Variants in PCDH15 observed in about 807,000 individuals in gnomAD.
PCDH15 encodes the protein protocadherin related 15.
PCDH15 carries 129 observed loss-of-function variants against 178.5 expected under a neutral mutation model. That is an observed-to-expected ratio of 0.72 (90% CI 0.63 to 0.84). The LOEUF (loss-of-function observed/expected upper bound fraction) is 0.84. Among genes scored for constraint, PCDH15 ranks in the 40% least tolerant of loss-of-function variants. PCDH15 has a pLI of 0.00. For missense variants in PCDH15, 2,230 were observed against 2,099.9 expected, an observed-to-expected ratio of 1.06 and a Z score of -1.21; for synonymous variants, 800 against 732.0, an observed-to-expected ratio of 1.09 and a Z score of -1.50.
intron 26 of PCDH15, among the ~76,000 whole-genome samples, chr10:53,891,049 T>C (rs1447020231): frequency 6.6e-6 from 1 of 151,382 alleles, no homozygotes; most frequent in Non-Finnish European, 1.5e-5. Context: ...GATACATTTA[T>C]AGAAGTATGA....
In PCDH15 at chr10:55,463,987, GAAAGAGAAAGAAAGAA is replaced by G. The variant is rs1565165816; in HGVS notation, c.-156+163622_-156+163637del. 2.0e-3 allele frequency among the ~76,000 whole-genome samples: 51 copies of G among 25,244 alleles called. 14 individuals are homozygous for G. The highest frequency in any genetic ancestry group is 2.7e-3 in the South Asian group (2 of 750). 16.6% of individuals were successfully genotyped at this position (25,244 alleles called of 152,430 possible). On this transcript the variant is annotated intron_variant, in intron 2 of 5. Coordinates refer to the PCDH15 transcript ENST00000613346. ...AAAGAAAGAAAGAGAAAGAAAGAAA[GAAAGAGAAAGAAAGAA>G]AGAAAGAAAGAAAGAAAGAAAGAAA...
chr10:54,002,018 G>A (rs930171653), intron 20 of PCDH15, among the ~76,000 whole-genome samples: 1 of 147,810 alleles, frequency 6.8e-6, no homozygotes, highest in African/African-American at 2.5e-5. Context: ...AATTTATCAG[G>A]AAGATATAAC....
rs538937190 is a variant in PCDH15, at chr10:54,888,440, T to A, written c.-29+9010A>T. Among the ~76,000 whole-genome samples, 4 of 152,208 alleles carry A rather than the reference T, an allele frequency of 2.6e-5. No homozygotes were observed. In the South Asian group the frequency reaches 8.3e-4, roughly 32 times the overall value. On this transcript the variant is annotated intron_variant, in intron 3 of 5. Coordinates refer to the PCDH15 transcript ENST00000458638. ...CAATTTATATATGTATATACACATC[T>A]AGTTCTTGGTGGACATTTTGGTTTT...
At chr10:55,100,763 C>T (rs1842558272) in intron 2 of PCDH15, among the ~76,000 whole-genome samples, 1 of 152,100 alleles carries the variant, frequency 6.6e-6, no homozygotes, top group African/African-American at 2.4e-5. Flanking sequence ...ACCCAAACAC[C>T]TGTTGTTAAG....
intron 2 of PCDH15, among the ~76,000 whole-genome samples, chr10:55,617,829 A>G (rs1843510038): frequency 1.3e-5 from 2 of 152,014 alleles, no homozygotes; most frequent in Admixed American, 1.3e-4. Context: ...CACAGTCATC[A>G]GCTTTTAGAA....
At chr10:53,934,643 G>C (rs1025819070) in intron 25 of PCDH15, among the ~76,000 whole-genome samples, 4 of 151,694 alleles carry the variant, frequency 2.6e-5, no homozygotes, top group Admixed American at 1.3e-4. Flanking sequence ...TTAATGAGAC[G>C]TGTGACACAT....
chr10:54,458,962 A>C (rs1350587263), intron 3 of PCDH15, among the ~76,000 whole-genome samples: 9 of 152,110 alleles, frequency 5.9e-5, no homozygotes, highest in African/African-American at 2.2e-4. Context: ...ATGAGAAAAA[A>C]CAAATTCCTG....
At chr10:54,295,814 T>C (rs1396375884) in intron 8 of PCDH15, among the ~76,000 whole-genome samples, 2 of 152,120 alleles carry the variant, frequency 1.3e-5, no homozygotes, top group African/African-American at 4.8e-5. Flanking sequence ...TTCCTTAGAA[T>C]TCAGGATCTA....
intron 3 of PCDH15, among the ~76,000 whole-genome samples, chr10:54,483,234 G>T (rs1273779664): frequency 6.6e-6 from 1 of 151,822 alleles, no homozygotes; most frequent in Non-Finnish European, 1.5e-5. Context: ...CAACATTAGA[G>T]GGGTCATATT....
At position 53,810,574 on chromosome 10, in the gene PCDH15, T is replaced by G; in HGVS notation, c.4653A>C (p.Glu1551Asp). ...TAATTACCTCTTCCTCCTCATATTC[T>G]TCCTCAGCTTCACCAACCACCTCAC... ...EYGEVVGEAE[E>D]EYEEEEWARK... is the part of the protein sequence containing the mutation. Residue 1551 changes from glutamate (E) to aspartate (D), a missense_variant, in exon 37 of 38, where the codon GAA becomes GAC. Physicochemically the swap from Glu to Asp is conservative, Grantham distance 45. Transcript: ENST00000644397. The G allele has an allele frequency of 1.2e-6, 2 of 1,613,132 alleles. No homozygotes were observed. Among genetic ancestry groups the G allele is most frequent in the Non-Finnish European group, 1.7e-6 (2 of 1,179,744 alleles).
intron 2 of PCDH15, among the ~76,000 whole-genome samples, chr10:55,452,195 T>C (rs1839450479): frequency 6.6e-6 from 1 of 151,682 alleles, no homozygotes; most frequent in African/African-American, 2.4e-5. Context: ...ATACCTATTT[T>C]AAGTACCTTT....
chr10:55,420,551 G>T lies in PCDH15; in HGVS notation c.-156+207074C>A, dbSNP rs142386491. ...GGATGACACGCAGAGAAATCCCAAG[G>T]AATCACTTTGCTATTTTGCTTTGTC... is the stretch of plus-strand genomic sequence containing the variant. On this transcript the variant is annotated intron_variant, in intron 2 of 5. Coordinates refer to the PCDH15 transcript ENST00000613346. Among the ~76,000 whole-genome samples the T allele has an allele frequency of 1.9e-4, 29 of 151,694 alleles. No individual in the cohort carries two copies. The East Asian group carries it at 5.4e-3, about 28-fold the overall frequency.
At chr10:53,872,830 G>A (rs994644434) in intron 26 of PCDH15, among the ~76,000 whole-genome samples, 1 of 152,154 alleles carries the variant, frequency 6.6e-6, no homozygotes, top group African/African-American at 2.4e-5. Flanking sequence ...GATATCAAAT[G>A]TGAGATCTCT....
At chr10:54,472,236 A>T (rs2136708047) in intron 3 of PCDH15, among the ~76,000 whole-genome samples, 1 of 151,996 alleles carries the variant, frequency 6.6e-6, no homozygotes, top group African/African-American at 2.4e-5. Context: ...AAACTGCATG[A>T]CTTAGAACTA....
intron 2 of PCDH15, among the ~76,000 whole-genome samples, chr10:55,165,693 G>T (rs1200791920): frequency 6.6e-6 from 1 of 151,896 alleles, no homozygotes; most frequent in Non-Finnish European, 1.5e-5. Context: ...AGGAGCAAGA[G>T]ATAAATTAAG....
At chr10:54,773,806 A>T (rs1293823914) in intron 1 of PCDH15, among the ~76,000 whole-genome samples, 1 of 152,092 alleles carries the variant, frequency 6.6e-6, no homozygotes, top group Non-Finnish European at 1.5e-5. Context: ...AAATACCAAG[A>T]AAATATCATT....
At chr10:54,787,558 A>G (rs1461715277) in intron 1 of PCDH15, among the ~76,000 whole-genome samples, 1 of 151,960 alleles carries the variant, frequency 6.6e-6, no homozygotes, top group African/African-American at 2.4e-5. Context: ...CTACCTCTAT[A>G]TTATCTAAAA....
intron 11 of PCDH15, 120 bp downstream of exon 11, chr10:54,195,563 A>T (rs527760041): frequency 3.6e-6 from 3 of 834,166 alleles, no homozygotes; most frequent in East Asian, 2.6e-5. Flanking sequence ...ACTAAAACTC[A>T]CTTACAGTGA....
chr10:55,361,367 C>T (rs1845225718), intron 2 of PCDH15, among the ~76,000 whole-genome samples: 1 of 151,948 alleles, frequency 6.6e-6, no homozygotes, highest in South Asian at 2.1e-4. Flanking sequence ...AATAGTCAAA[C>T]ATACTGGAAA....
Sources: allele counts gnomAD v4.1 joint callset (sites outside exome capture counted in the v4.1 genomes callset), GRCh38; gene constraint gnomAD v4.1.1; transcripts MANE v1.5; gene names NCBI Gene and HGNC (gene_info 2026-07-23, HGNC 2026-07-21).